LRRC4C: variants seen among roughly 807,000 people sequenced by gnomAD.
LRRC4C encodes the protein leucine rich repeat containing 4C.
A neutral mutation model predicts 33.6 loss-of-function variants in LRRC4C; 5 were observed. That is an observed-to-expected ratio of 0.15 (90% CI 0.08 to 0.31). The LOEUF (loss-of-function observed/expected upper bound fraction) is 0.31. LRRC4C is among the 10% of genes least tolerant of loss of function. LRRC4C has a pLI of 1.00. For missense variants in LRRC4C, 560 were observed against 796.7 expected, an observed-to-expected ratio of 0.70 and a Z score of 3.58; for synonymous variants, 329 against 302.0, an observed-to-expected ratio of 1.09 and a Z score of -0.93.
At chr11:41,012,955 G>A (rs1366772378) in intron 1 of LRRC4C, among the ~76,000 whole-genome samples, 1 of 151,970 alleles carries the variant, frequency 6.6e-6, no homozygotes, top group African/African-American at 2.4e-5. Context: ...TTGAGTTTGA[G>A]CTCCTTATAT....
intron 3 of LRRC4C, among the ~76,000 whole-genome samples, chr11:40,323,715 C>T (rs911977930): frequency 2.0e-5 from 3 of 152,168 alleles, no homozygotes; most frequent in Non-Finnish European, 4.4e-5. Flanking sequence ...TTCTAGAGCA[C>T]CTATTCTGGA....
intron 3 of LRRC4C, among the ~76,000 whole-genome samples, chr11:40,516,701 T>C (rs1955574444): frequency 1.3e-5 from 2 of 152,144 alleles, no homozygotes; most frequent in Admixed American, 1.3e-4. Context: ...CAAGCATCTC[T>C]GAGAATCCAA....
In LRRC4C at chr11:40,454,470, T is replaced by C. The variant is rs930917059; in HGVS notation, c.-269-134749A>G. On this transcript the variant is annotated intron_variant, in intron 3 of 6. Coordinates refer to ENST00000528697, the MANE Select transcript of LRRC4C (RefSeq NM_001258419.2). ...ATCTTCGAAGTGCTGAGAAGAGATATCTGCTCATCTTTCTAACTCACTGCC... is the reference window on the plus strand; with the variant it reads ...ATCTTCGAAGTGCTGAGAAGAGATACCTGCTCATCTTTCTAACTCACTGCC... 1.1e-4 allele frequency among the ~76,000 whole-genome samples: 17 copies of C among 152,202 alleles called. No homozygotes were observed. The East Asian group carries it at 2.5e-3, about 23-fold the overall frequency.
intron 1 of LRRC4C, among the ~76,000 whole-genome samples, chr11:41,114,696 T>A (rs1458952221): frequency 6.6e-6 from 1 of 152,084 alleles, no homozygotes; most frequent in Non-Finnish European, 1.5e-5. Flanking sequence ...TTGCATAGTT[T>A]ATGACAAGGA....
intron 1 of LRRC4C, among the ~76,000 whole-genome samples, chr11:41,377,414 A>T (rs545358838): frequency 6.6e-6 from 1 of 152,318 alleles, no homozygotes; most frequent in Non-Finnish European, 1.5e-5. Context: ...GGCTAGAGAG[A>T]AGACACAATA....
Position 40,898,353 on chromosome 11 carries a change from C to CAAAAAAAAAAAAA in LRRC4C, c.-407+35269_-407+35281dup, listed in dbSNP as rs765252333. ...GGGCAACAAGAGTGAAACTCCATCTCAAAAAAAAAAAAAAAAAAAGAAAAA... is the reference window on the plus strand; with the variant it reads ...GGGCAACAAGAGTGAAACTCCATCTCAAAAAAAAAAAAAAAAAAAAAAAAAAAAAAAAGAAAAA... On this transcript the variant is annotated intron_variant, in intron 2 of 6. Coordinates refer to ENST00000528697, the MANE Select transcript of LRRC4C (RefSeq NM_001258419.2). 3.6e-3 allele frequency among the ~76,000 whole-genome samples: 137 copies of CAAAAAAAAAAAAA among 38,296 alleles called. 7 individuals carry two copies. The highest frequency in any genetic ancestry group is 8.4e-3 in the African/African-American group (80 of 9,578). The allele number at this position is 38,296 out of a possible 152,430, so 25.1% of individuals were successfully genotyped here. A position where few individuals can be genotyped will look rare whatever the true frequency, so the allele number is the denominator to read the frequency against.
At chr11:41,166,018 C>T (rs12275101) in intron 1 of LRRC4C, among the ~76,000 whole-genome samples, 2,205 of 143,386 alleles carry the variant, frequency 0.015, 49 homozygotes, top group African/African-American at 0.054. Context: ...GCAACAAGAG[C>T]GAAATTCTGT....
chr11:40,334,394 T>A (rs1446841935), intron 3 of LRRC4C, among the ~76,000 whole-genome samples: 1 of 151,366 alleles, frequency 6.6e-6, no homozygotes, highest in Non-Finnish European at 1.5e-5. Context: ...TTTGAGAAGG[T>A]TGAGAAGATA....
At chr11:41,299,250 A>C (rs896291331) in intron 1 of LRRC4C, among the ~76,000 whole-genome samples, 6 of 152,152 alleles carry the variant, frequency 3.9e-5, no homozygotes, top group Non-Finnish European at 8.8e-5. Flanking sequence ...ACCACTTAAA[A>C]GCAGAGAAAT....
intron 3 of LRRC4C, among the ~76,000 whole-genome samples, chr11:40,420,155 T>G (rs541170113): frequency 1.5e-4 from 23 of 152,338 alleles, no homozygotes; most frequent in African/African-American, 5.5e-4. Context: ...AAATAGTTGG[T>G]GGTGACCGTT....
intron 1 of LRRC4C, among the ~76,000 whole-genome samples, chr11:41,176,697 A>G (rs1945212955): frequency 6.6e-6 from 1 of 152,064 alleles, no homozygotes; most frequent in South Asian, 2.1e-4. Context: ...TAGGAGTAGG[A>G]ATGAAGTTTT....
intron 1 of LRRC4C, among the ~76,000 whole-genome samples, chr11:41,072,938 T>C (rs1420367334): frequency 6.6e-6 from 1 of 152,130 alleles, no homozygotes; most frequent in Non-Finnish European, 1.5e-5. Context: ...GGATTGCAAA[T>C]GTTTTTGTTA....
chr11:40,983,696 A>G (rs1852703776), intron 1 of LRRC4C, among the ~76,000 whole-genome samples: 1 of 152,186 alleles, frequency 6.6e-6, no homozygotes, highest in Non-Finnish European at 1.5e-5. Context: ...ATGAACAGAC[A>G]CTTCTCAAAG....
At chr11:40,461,890 C>T (rs1047295621) in intron 3 of LRRC4C, among the ~76,000 whole-genome samples, 9 of 150,918 alleles carry the variant, frequency 6.0e-5, no homozygotes, top group African/African-American at 1.9e-4. Flanking sequence ...TTATAATAAG[C>T]ATAGTTATAA....
At chr11:41,430,046 C>T (rs1955181402) in intron 1 of LRRC4C, among the ~76,000 whole-genome samples, 2 of 152,112 alleles carry the variant, frequency 1.3e-5, no homozygotes, top group African/African-American at 4.8e-5. Context: ...CTGTGCAGGA[C>T]ATAGAGTACA....
At chr11:41,422,787 T>G (rs1219767553) in intron 1 of LRRC4C, among the ~76,000 whole-genome samples, 1 of 152,086 alleles carries the variant, frequency 6.6e-6, no homozygotes, top group Admixed American at 6.6e-5. Flanking sequence ...GTAGATTTTT[T>G]TTCTTTTTCT....
chr11:41,302,562 C>T (rs895525856), intron 1 of LRRC4C, among the ~76,000 whole-genome samples: 2 of 152,108 alleles, frequency 1.3e-5, no homozygotes, highest in Admixed American at 6.5e-5. Flanking sequence ...AAATCGGTAA[C>T]ATTTTCCGAT....
intron 2 of LRRC4C, among the ~76,000 whole-genome samples, chr11:40,660,588 G>A (rs1232880169): frequency 6.6e-6 from 1 of 152,156 alleles, no homozygotes; most frequent in Non-Finnish European, 1.5e-5. Flanking sequence ...ACATGTTGTT[G>A]CTGCTTCTGC....
chr11:40,479,173 T>C (rs1953409550), intron 3 of LRRC4C, among the ~76,000 whole-genome samples: 1 of 152,204 alleles, frequency 6.6e-6, no homozygotes, highest in South Asian at 2.1e-4. Context: ...TAAGAGTCTG[T>C]TGTTTCTAAA....
Sources: allele counts gnomAD v4.1 joint callset (sites outside exome capture counted in the v4.1 genomes callset), GRCh38; gene constraint gnomAD v4.1.1; transcripts MANE v1.5; gene names NCBI Gene and HGNC (gene_info 2026-07-23, HGNC 2026-07-21).